Variants in KLHDC4 observed in about 807,000 individuals in gnomAD.
The protein encoded by KLHDC4 is kelch domain-containing protein 4.
In KLHDC4, 90 loss-of-function variants were observed where a neutral mutation model predicts 62.4. The ratio of observed to expected loss-of-function variants is 1.44; its 90% confidence interval spans 1.22 to 1.72. The LOEUF (loss-of-function observed/expected upper bound fraction) is 1.72, where lower values mean the gene tolerates loss of function less well. KLHDC4 is among the 40% of genes most tolerant of loss of function. The probability of loss-of-function intolerance (pLI) is 0.00; values close to 1 mark genes in which losing one functional copy is unlikely to be tolerated. For missense variants in KLHDC4, 1,025 were observed against 699.7 expected (o/e 1.47, Z -5.25); for synonymous variants, 386 against 284.4 (o/e 1.36, Z -3.59).
At chr16:87,731,269 TGG>T (rs2040322969) in intron 5 of KLHDC4, among the ~76,000 whole-genome samples, 2 of 151,852 alleles carry the variant, frequency 1.3e-5, no homozygotes, top group East Asian at 3.9e-4. Context: ...TTCACCATGT[TGG>T]CCAGGCTGGT....
chr16:87,726,921 A>G lies in KLHDC4; in HGVS notation c.603T>C (p.Asp201=), dbSNP rs770343574. ...LFGGFHESTR[D]YIYYNDVYAF... is the part of the protein sequence containing the mutation. ...CATACACGTCGTTGTAGTAGATGTA[A>G]TCCCTGGTTAGAAGAACAGCAGCTG... The change falls in exon 7 of 12, where the codon GAT becomes GAC. Residue 201 remains aspartate (D), a synonymous_variant. Transcript: ENST00000270583. 1 of 1,613,794 alleles carries G rather than the reference A, an allele frequency of 6.2e-7. No individual in the cohort carries two copies. Among genetic ancestry groups the G allele is most frequent in the East Asian group, 2.2e-5 (1 of 44,844 alleles).
chr16:87,743,744 A>G (rs1247496439), intron 5 of KLHDC4, among the ~76,000 whole-genome samples: 1 of 151,790 alleles, frequency 6.6e-6, no homozygotes, highest in East Asian at 1.9e-4. Flanking sequence ...CGCCTCAAAA[A>G]AAATAAAAAT....
At chr16:87,763,724 G>A (rs936114163) in intron 1 of KLHDC4, 2 of 152,194 alleles carry the variant, frequency 1.3e-5, no homozygotes, top group Admixed American at 6.5e-5. Flanking sequence ...TATGTACCGC[G>A]AAAGCTTTGC....
Position 87,720,535 on chromosome 16 carries a change from C to G in KLHDC4, c.760-5962G>C, listed in dbSNP as rs62055577. Among the ~76,000 whole-genome samples, 89 of 116,766 alleles carry G rather than the reference C, an allele frequency of 7.6e-4. 1 individual carries two copies. The highest frequency in any genetic ancestry group is 3.2e-3 in the African/African-American group (86 of 26,944). 76.6% of individuals were successfully genotyped at this position (116,766 alleles called of 152,430 possible). On this transcript the variant is annotated intron_variant, in intron 7 of 11. Transcript: ENST00000270583. ...CACAACCACAGGTGATGAGCCCCTG[C>G]GGAGACGCCGCGCCCCTGGGGAGAC... is the stretch of plus-strand genomic sequence containing the variant.
At chr16:87,755,379 G>A in intron 3 of KLHDC4, 87 bp from the exon 4 acceptor site, 1 of 737,744 alleles carries the variant, frequency 1.4e-6, no homozygotes, top group Non-Finnish European at 2.3e-6. Flanking sequence ...ACAATTCCCT[G>A]GGAAACTGAC....
chr16:87,757,764 C>G (rs1169972559), intron 2 of KLHDC4, among the ~76,000 whole-genome samples: 1 of 151,352 alleles, frequency 6.6e-6, no homozygotes. Context: ...TGGTGGTGGG[C>G]ACCTGTAATC....
At chr16:87,724,270 C>A (rs1288365932) in intron 7 of KLHDC4, among the ~76,000 whole-genome samples, 1 of 152,196 alleles carries the variant, frequency 6.6e-6, no homozygotes, top group Non-Finnish European at 1.5e-5. Flanking sequence ...GAAACCATAT[C>A]ATTTTTAGAG....
rs552351562 is a variant in KLHDC4 at position 87,730,552 on chromosome 16, C to G, written c.599G>C (p.Arg200Pro). The G allele has an allele frequency of 1.2e-6, 2 of 1,609,394 alleles. No individual in the cohort carries two copies. Among genetic ancestry groups the G allele is most frequent in the Non-Finnish European group, 1.7e-6 (2 of 1,178,468 alleles). The change falls in exon 6 of 12, where the codon CGG becomes CCG. Residue 200 changes from arginine to proline, a missense_variant and splice_region_variant. Physicochemically the swap from Arg to Pro is moderately radical, Grantham distance 103. Transcript: ENST00000270583. ...ILFGGFHEST[R>P]DYIYYNDVYA... Reference sequence around the variant, plus strand: ...AGATTTTTCCGTTCTTGGTACCAACCGTGTACTTTCATGGAAGCCACCAAA... The same window carrying G: ...AGATTTTTCCGTTCTTGGTACCAACGGTGTACTTTCATGGAAGCCACCAAA...
chr16:87,715,804 T>C (rs1318827470), intron 7 of KLHDC4, among the ~76,000 whole-genome samples: 1 of 152,208 alleles, frequency 6.6e-6, no homozygotes, highest in Non-Finnish European at 1.5e-5. Context: ...TCTCTTCAGC[T>C]CTATGTTCTC....
chr16:87,707,595 G>C (rs1039049996), downstream of KLHDC4, among the ~76,000 whole-genome samples: 4 of 152,208 alleles, frequency 2.6e-5, no homozygotes, highest in Non-Finnish European at 4.4e-5. Context: ...TGGGCAGTCA[G>C]GGCCCTCTTC....
At chr16:87,706,661 C>CG (rs772906686), downstream of KLHDC4, among the ~76,000 whole-genome samples, 613 of 152,314 alleles carry the variant, frequency 4.0e-3, 6 homozygotes, top group African/African-American at 0.014. Context: ...TGGCAGTGGG[C>CG]GGGGCCCTTG....
chr16:87,728,977 A>G (rs1260170513), intron 6 of KLHDC4, among the ~76,000 whole-genome samples: 2 of 152,042 alleles, frequency 1.3e-5, no homozygotes, highest in Admixed American at 1.3e-4. Context: ...AGTTTTTGCC[A>G]TGTTGGCCAG....
intron 7 of KLHDC4, among the ~76,000 whole-genome samples, chr16:87,725,857 T>C (rs1445457683): frequency 6.6e-6 from 1 of 151,984 alleles, no homozygotes; most frequent in East Asian, 1.9e-4. Flanking sequence ...TGTTCTCAGG[T>C]TACCAAAGAA....
At position 87,711,458 on chromosome 16, in the gene KLHDC4, C is replaced by A; in HGVS notation, c.836-15G>T. 1 of 1,598,632 alleles carries A rather than the reference C, an allele frequency of 6.3e-7. No homozygotes were observed. ...AACCCACTTGTCTGTCAAAAGAGAA[C>A]AAGGAAGTGGGATAAGAACACAAGG... On this transcript the variant is annotated splice_polypyrimidine_tract_variant and intron_variant, in intron 8 of 11. Transcript: ENST00000270583.
chr16:87,722,960 A>T (rs1185222830), intron 7 of KLHDC4, among the ~76,000 whole-genome samples: 1 of 152,038 alleles, frequency 6.6e-6, no homozygotes, highest in East Asian at 1.9e-4. Flanking sequence ...CCTGCGTGGG[A>T]GAGAGGCGTG....
intron 4 of KLHDC4, chr16:87,750,258 G>C (rs2043717889): frequency 6.6e-6 from 1 of 152,298 alleles, no homozygotes; most frequent in Non-Finnish European, 1.5e-5. Flanking sequence ...GCAGTAGCTG[G>C]GGTCCAGGAT....
intron 5 of KLHDC4, among the ~76,000 whole-genome samples, chr16:87,733,879 G>A (rs755709885): frequency 6.6e-6 from 1 of 152,190 alleles, no homozygotes; most frequent in Non-Finnish European, 1.5e-5. Flanking sequence ...TCTCCACACA[G>A]GTCACAGCAA....
rs934430110 is a variant in KLHDC4, at chr16:87,716,910, C to T, written c.760-2337G>A. Reference sequence around the variant, plus strand: ...TCTCGCCACTGCACTCCAGCCTGGGCGACAGAGCGAGACTCCGTCTCAAAA... The same window carrying T: ...TCTCGCCACTGCACTCCAGCCTGGGTGACAGAGCGAGACTCCGTCTCAAAA... On this transcript the variant is annotated intron_variant, in intron 7 of 11. Transcript: ENST00000270583. Among the ~76,000 whole-genome samples the T allele has an allele frequency of 4.6e-5, 7 of 152,154 alleles. No individual in the cohort carries two copies. In the East Asian group the frequency reaches 1.2e-3, roughly 25 times the overall value.
chr16:87,710,301 C>G (rs1047936016), intron 9 of KLHDC4: 17 of 152,446 alleles, frequency 1.1e-4, no homozygotes, highest in African/African-American at 3.8e-4. Flanking sequence ...GTCATTTTGT[C>G]ACAAAACGCT....
Sources: gnomAD v4.1 joint callset for allele counts (sites outside exome capture counted in the v4.1 genomes callset) on GRCh38, gnomAD v4.1.1 for gene constraint, MANE v1.5 for transcripts, NCBI Gene and HGNC (gene_info 2026-07-23, HGNC 2026-07-21) for gene names.